Variants in GPC5 observed in about 807,000 individuals in gnomAD.
GPC5 encodes the protein glypican-5.
A neutral mutation model predicts 53.9 loss-of-function variants in GPC5; 47 were observed. The ratio of observed to expected loss-of-function variants is 0.87; its 90% confidence interval spans 0.69 to 1.11. GPC5 has a LOEUF of 1.11. Ranked by LOEUF, GPC5 falls within the 50% of genes most tolerant of loss-of-function variation. The pLI is 0.00. For missense variants in GPC5, 748 were observed against 713.1 expected (o/e 1.05, Z -0.56); for synonymous variants, 286 against 263.3 (o/e 1.09, Z -0.84).
chr13:92,043,665 G>C (rs72635414), intron 6 of GPC5, among the ~76,000 whole-genome samples: 67,152 of 151,986 alleles, frequency 0.44, 15,177 homozygotes, highest in Admixed American at 0.52. Context: ...ACAAGATCTG[G>C]GGTTTGCTCT....
intron 2 of GPC5, among the ~76,000 whole-genome samples, chr13:91,691,945 A>G (rs1042226947): frequency 1.3e-5 from 2 of 152,184 alleles, no homozygotes; most frequent in African/African-American, 2.4e-5. Flanking sequence ...TTATTATTAT[A>G]TATTGAAACA....
intron 2 of GPC5, among the ~76,000 whole-genome samples, chr13:91,653,588 A>G (rs749838795): frequency 3.3e-5 from 5 of 152,142 alleles, no homozygotes; most frequent in Non-Finnish European, 7.4e-5. Context: ...ATTCTCCATG[A>G]ACAAAACAAA....
chr13:91,621,621 G>A (rs77607462), intron 2 of GPC5, among the ~76,000 whole-genome samples: 1,943 of 151,864 alleles, frequency 0.013, 39 homozygotes, highest in African/African-American at 0.044. Flanking sequence ...ACCAAAAAGA[G>A]AGTAAAATAT....
intron 2 of GPC5, among the ~76,000 whole-genome samples, chr13:91,565,953 A>G (rs1251440443): frequency 6.6e-6 from 1 of 151,982 alleles, no homozygotes; most frequent in African/African-American, 2.4e-5. Flanking sequence ...CATGATTTCA[A>G]TTTGTGCTGC....
intron 7 of GPC5, among the ~76,000 whole-genome samples, chr13:92,830,306 T>C (rs924717081): frequency 1.3e-5 from 2 of 152,164 alleles, no homozygotes; most frequent in Non-Finnish European, 2.9e-5. Context: ...AAATATTTGA[T>C]GCATATCCTT....
chr13:91,693,849 G>A lies in GPC5; in HGVS notation c.988G>A (p.Ala330Thr). The A allele has an allele frequency of 6.2e-7, 1 of 1,605,052 alleles. No homozygotes were observed. The highest frequency in any genetic ancestry group is 8.5e-7 in the Non-Finnish European group (1 of 1,176,236). Residue 330 changes from alanine to threonine, a missense_variant, in exon 3 of 8, where the codon GCT (alanine) becomes ACT (threonine). By Grantham distance (58) the Ala-to-Thr change is moderately conservative. Transcript: ENST00000377067. ...HLLVNDAVLQ[A>T]HLNGQKLLEQ... ...GCTTGTTAATGATGCTGTGTTACAG[G>A]CTCACCTCAATGGACAAAAATTATT...
intron 7 of GPC5, among the ~76,000 whole-genome samples, chr13:92,267,624 AT>A (rs2042811526): frequency 6.6e-6 from 1 of 152,090 alleles, no homozygotes; most frequent in Admixed American, 6.5e-5. Flanking sequence ...GCTTTTTAAA[AT>A]TAAGTCATGT....
intron 7 of GPC5, among the ~76,000 whole-genome samples, chr13:92,858,156 G>C (rs1044215499): frequency 1.3e-5 from 2 of 152,126 alleles, no homozygotes; most frequent in Non-Finnish European, 2.9e-5. Flanking sequence ...ATCTCATCTT[G>C]TAGTTCCCAT....
intron 6 of GPC5, among the ~76,000 whole-genome samples, chr13:92,016,111 T>C (rs1184628613): frequency 6.6e-6 from 1 of 152,158 alleles, no homozygotes; most frequent in African/African-American, 2.4e-5. Flanking sequence ...AAGAATCGGG[T>C]CAAGAAAGTG....
chr13:92,356,339 G>GT (rs1566554183), intron 7 of GPC5, among the ~76,000 whole-genome samples: 1 of 152,156 alleles, frequency 6.6e-6, no homozygotes, highest in East Asian at 1.9e-4. Flanking sequence ...GCCCTATTAA[G>GT]TTCTTTAGCT....
At chr13:92,271,442 C>T (rs1263002257) in intron 7 of GPC5, among the ~76,000 whole-genome samples, 1 of 152,152 alleles carries the variant, frequency 6.6e-6, no homozygotes, top group Non-Finnish European at 1.5e-5. Flanking sequence ...TTCCATGAAC[C>T]AGAGTCTTTT....
intron 6 of GPC5, among the ~76,000 whole-genome samples, chr13:91,971,722 T>C (rs1455637172): frequency 6.6e-6 from 1 of 152,246 alleles, no homozygotes; most frequent in African/African-American, 2.4e-5. Context: ...TTTCGTTATG[T>C]ACCCAGTAGT....
intron 2 of GPC5, among the ~76,000 whole-genome samples, chr13:91,496,494 G>A (rs765735756): frequency 6.6e-6 from 1 of 152,180 alleles, no homozygotes; most frequent in Non-Finnish European, 1.5e-5. Flanking sequence ...GAATGGAACT[G>A]TTCATTATGT....
At chr13:91,527,540 A>G (rs568801159) in intron 2 of GPC5, among the ~76,000 whole-genome samples, 2 of 152,328 alleles carry the variant, frequency 1.3e-5, no homozygotes, top group East Asian at 3.9e-4. Context: ...TTCCAGGCTC[A>G]TGGGGTAAGC....
intron 6 of GPC5, among the ~76,000 whole-genome samples, chr13:92,103,716 G>A (rs968407990): frequency 6.6e-6 from 1 of 152,178 alleles, no homozygotes; most frequent in Non-Finnish European, 1.5e-5. Context: ...CATTTAGCAA[G>A]CATTTCTGAG....
chr13:91,949,949 A>T (rs1293062253), intron 6 of GPC5, among the ~76,000 whole-genome samples: 1 of 152,160 alleles, frequency 6.6e-6, no homozygotes, highest in African/African-American at 2.4e-5. Flanking sequence ...GGAGAATTTG[A>T]TATCATGGAA....
intron 1 of GPC5, 89 bp downstream of exon 1, chr13:91,399,298 A>C: frequency 6.8e-7 from 1 of 1,462,284 alleles, no homozygotes; most frequent in Non-Finnish European, 9.1e-7. Flanking sequence ...TCGTGGGAAG[A>C]TGACCTTTCG....
intron 2 of GPC5, among the ~76,000 whole-genome samples, chr13:91,674,200 G>C (rs1421750565): frequency 1.3e-5 from 2 of 152,028 alleles, no homozygotes; most frequent in Non-Finnish European, 2.9e-5. Flanking sequence ...AGGTGTCCCG[G>C]TGTTTGGATA....
At chr13:92,618,775 T>C (rs1404013383) in intron 7 of GPC5, among the ~76,000 whole-genome samples, 1 of 150,522 alleles carries the variant, frequency 6.6e-6, no homozygotes, top group Admixed American at 6.6e-5. Context: ...GACATAGACA[T>C]AGAGTGTCAT....
Sources: gnomAD v4.1 joint callset for allele counts (sites outside exome capture counted in the v4.1 genomes callset) on GRCh38, gnomAD v4.1.1 for gene constraint, MANE v1.5 for transcripts, NCBI Gene and HGNC (gene_info 2026-07-23, HGNC 2026-07-21) for gene names.